SUPT3H: variants seen among roughly 807,000 people sequenced by gnomAD.
SUPT3H encodes the protein SPT3 homolog, SAGA and STAGA complex component.
SUPT3H carries 44 observed loss-of-function variants against 44.3 expected under a neutral mutation model. The ratio of observed to expected loss-of-function variants is 0.99; its 90% confidence interval spans 0.78 to 1.28. SUPT3H has a LOEUF of 1.28. Among genes scored for constraint, SUPT3H ranks in the 50% most tolerant of loss-of-function variants. SUPT3H has a pLI of 0.00. For synonymous variants in SUPT3H, 124 were observed against 125.6 expected (o/e 0.99, Z 0.09); for missense variants, 380 against 387.1 (o/e 0.98, Z 0.15).
rs184147476 is a variant in SUPT3H at position 44,827,136 on chromosome 6, C to T, written c.*2680G>A. On this transcript the variant is annotated 3_prime_UTR_variant, in exon 11 of 11. Transcript: ENST00000371459. Reference sequence around the variant, plus strand: ...GCTTATTTATTTTCAAATTCAGTCTCTAAAATACAAGGGACAAAAAATAGA... The same window carrying T: ...GCTTATTTATTTTCAAATTCAGTCTTTAAAATACAAGGGACAAAAAATAGA... Among the ~76,000 whole-genome samples, 10 of 152,132 alleles carry T rather than the reference C, an allele frequency of 6.6e-5. No individual in the cohort carries two copies. The highest frequency in any genetic ancestry group is 2.2e-4 in the African/African-American group (9 of 41,548).
intron 2 of SUPT3H, among the ~76,000 whole-genome samples, chr6:45,233,832 A>C (rs1430536156): frequency 6.6e-6 from 1 of 152,172 alleles, no homozygotes; most frequent in Non-Finnish European, 1.5e-5. Context: ...ACCTACAGCT[A>C]CTCTAAAGGA....
At chr6:45,121,524 G>C (rs1008704152) in intron 2 of SUPT3H, among the ~76,000 whole-genome samples, 3 of 151,834 alleles carry the variant, frequency 2.0e-5, no homozygotes, top group Non-Finnish European at 4.4e-5. Context: ...TATGTGGGGG[G>C]GGGGGTGGAT....
intron 3 of SUPT3H, among the ~76,000 whole-genome samples, chr6:45,035,562 ACT>A (rs1787549622): frequency 2.0e-5 from 3 of 151,962 alleles, no homozygotes; most frequent in Non-Finnish European, 4.4e-5. Context: ...TCATGTACAG[ACT>A]CTGATTACTT....
intron 2 of SUPT3H, among the ~76,000 whole-genome samples, chr6:45,299,230 G>A (rs1421271660): frequency 6.6e-6 from 1 of 151,378 alleles, no homozygotes; most frequent in Non-Finnish European, 1.5e-5. Context: ...GCAGGGGCCT[G>A]TTGTCCCAGC....
intron 5 of SUPT3H, among the ~76,000 whole-genome samples, chr6:45,007,948 G>A (rs940212442): frequency 3.9e-5 from 6 of 152,032 alleles, no homozygotes; most frequent in Non-Finnish European, 5.9e-5. Flanking sequence ...TGGTCTTTGT[G>A]ATTGGTTTCT....
At chr6:44,963,802 A>G (rs894993420) in intron 6 of SUPT3H, among the ~76,000 whole-genome samples, 7 of 152,068 alleles carry the variant, frequency 4.6e-5, no homozygotes, top group African/African-American at 7.2e-5. Context: ...GATTGAGACC[A>G]TCCTGGCTAA....
chr6:45,222,748 G>A (rs1766271636), intron 2 of SUPT3H, among the ~76,000 whole-genome samples: 1 of 152,078 alleles, frequency 6.6e-6, no homozygotes, highest in African/African-American at 2.4e-5. Context: ...GTATATAAAT[G>A]TTCACAGAAG....
chr6:44,818,455 T>C (rs1450992398), intron 11 of SUPT3H, among the ~76,000 whole-genome samples: 1 of 152,094 alleles, frequency 6.6e-6, no homozygotes, highest in Non-Finnish European at 1.5e-5. Flanking sequence ...CATAAAAGAA[T>C]AAAAATTGAT....
intron 3 of SUPT3H, chr6:45,099,279 C>T (rs1315436368): frequency 6.5e-6 from 1 of 154,162 alleles, no homozygotes; most frequent in Non-Finnish European, 1.4e-5. Flanking sequence ...ACTATCAACA[C>T]TCTGGGGCTC....
At chr6:44,847,158 T>C (rs900099552) in intron 10 of SUPT3H, among the ~76,000 whole-genome samples, 1 of 151,944 alleles carries the variant, frequency 6.6e-6, no homozygotes, top group Admixed American at 6.5e-5. Context: ...AAGACTAATA[T>C]TTTTTTTCTT....
chr6:45,048,720 G>C (rs911485960), intron 3 of SUPT3H, among the ~76,000 whole-genome samples: 1 of 152,136 alleles, frequency 6.6e-6, no homozygotes, highest in Non-Finnish European at 1.5e-5. Flanking sequence ...AAAAAGGTAG[G>C]AAGTTCTGTC....
At chr6:44,961,694 T>A in intron 7 of SUPT3H, 59 bp downstream of exon 7, 1 of 1,312,760 alleles carries the variant, frequency 7.6e-7, no homozygotes, top group Non-Finnish European at 1.1e-6. Context: ...CATACTTTAG[T>A]ACATCTATAA....
At chr6:45,122,731 G>A (rs1351588629) in intron 2 of SUPT3H, among the ~76,000 whole-genome samples, 1 of 152,004 alleles carries the variant, frequency 6.6e-6, no homozygotes, top group African/African-American at 2.4e-5. Flanking sequence ...ATTCATATTA[G>A]AAGATATATC....
rs563561217 is a variant in SUPT3H, at chr6:45,251,332, T to C, written c.101+113869A>G. 6.5e-4 allele frequency among the ~76,000 whole-genome samples: 99 copies of C among 152,226 alleles called. 1 individual carries two copies. Among genetic ancestry groups the C allele is most frequent in the South Asian group, 5.4e-3 (26 of 4,822 alleles). On this transcript the variant is annotated intron_variant, in intron 2 of 10. Transcript: ENST00000371459. ...TCAACAATAGTTAACATCTAAATTATGTTTCTCTAAAACCAATTAGTCTCT... is the reference window on the plus strand; with the variant it reads ...TCAACAATAGTTAACATCTAAATTACGTTTCTCTAAAACCAATTAGTCTCT...
chr6:44,938,011 G>C (rs1008717267), intron 9 of SUPT3H, among the ~76,000 whole-genome samples: 10 of 144,910 alleles, frequency 6.9e-5, no homozygotes, highest in Admixed American at 1.5e-4. Context: ...CTGGGTTCAG[G>C]CAATTCTCCT....
chr6:45,203,414 C>T (rs561085027), intron 2 of SUPT3H, among the ~76,000 whole-genome samples: 1 of 152,120 alleles, frequency 6.6e-6, no homozygotes, highest in Non-Finnish European at 1.5e-5. Context: ...TTTAGTTCCC[C>T]AGCAGCACCA....
intron 6 of SUPT3H, among the ~76,000 whole-genome samples, chr6:44,992,624 A>G (rs950274422): frequency 1.3e-5 from 2 of 152,174 alleles, no homozygotes; most frequent in African/African-American, 4.8e-5. Flanking sequence ...TATGGTTTCA[A>G]TGCTGCCACC....
intron 10 of SUPT3H, among the ~76,000 whole-genome samples, chr6:44,882,579 C>A (rs1486107670): frequency 2.0e-5 from 3 of 152,208 alleles, no homozygotes; most frequent in East Asian, 1.9e-4. Context: ...AGAGACACAA[C>A]AAATAAAGAA....
At chr6:45,077,167 C>A (rs1159475493) in intron 3 of SUPT3H, among the ~76,000 whole-genome samples, 1 of 152,144 alleles carries the variant, frequency 6.6e-6, no homozygotes, top group African/African-American at 2.4e-5. Context: ...GAAGTAATTT[C>A]TCCCTTTTTG....
Sources: allele counts gnomAD v4.1 joint callset (sites outside exome capture counted in the v4.1 genomes callset), GRCh38; gene constraint gnomAD v4.1.1; transcripts MANE v1.5; gene names NCBI Gene and HGNC (gene_info 2026-07-23, HGNC 2026-07-21).